GGT7: variants seen among roughly 807,000 people sequenced by gnomAD.
The protein encoded by GGT7 is gamma-glutamyltransferase 7, also known as glutathione hydrolase 7.
GGT7 carries 30 observed loss-of-function variants against 69.2 expected under a neutral mutation model. The ratio of observed to expected loss-of-function variants is 0.43; its 90% confidence interval spans 0.32 to 0.59. GGT7 has a LOEUF of 0.59. Ranked by LOEUF, GGT7 falls within the 20% of genes least tolerant of loss-of-function variation. The pLI is 0.05. For missense variants in GGT7, 733 were observed against 901.1 expected (o/e 0.81, Z 2.39); for synonymous variants, 388 against 391.8 (o/e 0.99, Z 0.12).
Position 34,845,253 on chromosome 20 carries a change from A to G in GGT7, c.*75T>C. The G allele has an allele frequency of 1.4e-6, 2 of 1,443,126 alleles. No individual in the cohort carries two copies. The highest frequency in any genetic ancestry group is 1.9e-6 in the Non-Finnish European group (2 of 1,061,716). 89.4% of individuals were successfully genotyped at this position (1,443,126 alleles called of 1,614,324 possible). On this transcript the variant is annotated 3_prime_UTR_variant, in exon 15 of 15. Coordinates refer to ENST00000336431, the MANE Select transcript of GGT7 (RefSeq NM_178026.3). ...GGGGCATCCCTGGGGTCCCCCTGAGACCAAACCTGGGAGAAGGAGGGACTC... is the reference window on the plus strand; with the variant it reads ...GGGGCATCCCTGGGGTCCCCCTGAGGCCAAACCTGGGAGAAGGAGGGACTC...
Position 34,856,904 on chromosome 20 carries a change from G to A in GGT7, c.1015-11C>T, listed in dbSNP as rs376055361. 7 of 1,549,588 alleles carry A rather than the reference G, an allele frequency of 4.5e-6. No individual in the cohort carries two copies. Among genetic ancestry groups the A allele is most frequent in the Non-Finnish European group, 6.2e-6 (7 of 1,122,032 alleles). On this transcript the variant is annotated splice_polypyrimidine_tract_variant and intron_variant, in intron 7 of 14. Coordinates refer to ENST00000336431, the MANE Select transcript of GGT7 (RefSeq NM_178026.3). ...CCCTGCGTGCTGAGCCTGGAGGGAAGAGAATGAGGGAATGACCTCCCACCA... is the reference window on the plus strand; with the variant it reads ...CCCTGCGTGCTGAGCCTGGAGGGAAAAGAATGAGGGAATGACCTCCCACCA...
chr20:34,864,284 T>G (rs938643541), intron 1 of GGT7, among the ~76,000 whole-genome samples: 3 of 151,772 alleles, frequency 2.0e-5, no homozygotes, highest in Non-Finnish European at 4.4e-5. Context: ...AGAGTATGTG[T>G]GTGGAATGTT....
Position 34,863,837 on chromosome 20 carries a change from A to C in GGT7, c.170-289T>G. On this transcript the variant is annotated intron_variant, in intron 1 of 14. Transcript: ENST00000336431. The surrounding 1 kb of genome is among the most constrained non-coding windows in gnomAD (Gnocchi z 4.4). ...CTGGCACCCAGGGCCCAGGGCTGAG[A>C]ACACTTCCTGGGGGGTGGGGTGGGG... is the stretch of plus-strand genomic sequence containing the variant. The C allele has an allele frequency of 1.6e-6, 1 of 628,466 alleles. No homozygotes were observed. Among genetic ancestry groups the C allele is most frequent in the Non-Finnish European group, 3.0e-6 (1 of 330,962 alleles). 38.9% of individuals were successfully genotyped at this position (628,466 alleles called of 1,614,324 possible).
chr20:34,858,460 G>A (rs946663378), intron 7 of GGT7, among the ~76,000 whole-genome samples: 6 of 152,196 alleles, frequency 3.9e-5, no homozygotes, highest in African/African-American at 1.4e-4. Flanking sequence ...CTCTGTGAAT[G>A]TTGAATGAAT....
chr20:34,859,591 C>T lies in GGT7; in HGVS notation c.866G>A (p.Arg289Gln), dbSNP rs776565273. Residue 289 changes from arginine (R) to glutamine (Q), a missense_variant, in exon 7 of 15, where the codon CGG becomes CAG. Physicochemically the swap from Arg to Gln is conservative, Grantham distance 43. Transcript: ENST00000336431. ...GCGGCCCGATGGCAGGAACGTCTCC[C>T]GGAAGCGCTCGGACATGTTGGGTGG... ...QLPPNMSERFRETFLPSGRPP... is the reference protein window; with the variant it reads ...QLPPNMSERFQETFLPSGRPP... 4 of 1,601,268 alleles carry T rather than the reference C, an allele frequency of 2.5e-6. No homozygotes were observed. Among genetic ancestry groups the T allele is most frequent in the African/African-American group, 1.3e-5 (1 of 74,796 alleles).
In GGT7 at chr20:34,859,530, G is replaced by T. The variant is rs773284344; in HGVS notation, c.927C>A (p.Asp309Glu). 12 of 1,612,450 alleles carry T rather than the reference G, an allele frequency of 7.4e-6. No individual in the cohort carries two copies. Among genetic ancestry groups the T allele is most frequent in the Non-Finnish European group, 9.3e-6 (11 of 1,179,280 alleles). The change falls in exon 7 of 15, where the codon GAC (aspartate) becomes GAA (glutamate). Residue 309 changes from aspartate to glutamate, a missense_variant. Transcript: ENST00000336431. ...CAAGTACATCCAGCACCTCAGCCAGGTCGGGCCGATGCAGCAACGAGCCAG... is the reference window on the plus strand; with the variant it reads ...CAAGTACATCCAGCACCTCAGCCAGTTCGGGCCGATGCAGCAACGAGCCAG... ...PLPGSLLHRP[D>E]LAEVLDVLGT...
chr20:34,853,578 A>T (rs2079437403), intron 10 of GGT7, among the ~76,000 whole-genome samples: 1 of 145,606 alleles, frequency 6.9e-6, no homozygotes, highest in Non-Finnish European at 1.5e-5. Flanking sequence ...AAAAAAAAAA[A>T]ATTCAACTGA....
chr20:34,857,234 G>A (rs1001753308), intron 7 of GGT7, among the ~76,000 whole-genome samples: 1 of 152,184 alleles, frequency 6.6e-6, no homozygotes, highest in Non-Finnish European at 1.5e-5. Context: ...TGCAGCTGCA[G>A]AGTGACCTGC....
In GGT7 at chr20:34,863,045, T is replaced by C; in HGVS notation, c.406-80A>G. 4 of 1,397,590 alleles carry C rather than the reference T, an allele frequency of 2.9e-6. No homozygotes were observed. Among genetic ancestry groups the C allele is most frequent in the Non-Finnish European group, 3.9e-6 (4 of 1,020,172 alleles). 86.6% of individuals were successfully genotyped at this position (1,397,590 alleles called of 1,614,324 possible). A position where few individuals can be genotyped will look rare whatever the true frequency, so the allele number is the denominator to read the frequency against. The stretch of plus-strand genomic sequence containing the variant: ...GGCACCTCCACTAGCCCTAGAACTC[T>C]ACGCGGCATGAAGGTCGAAGCCCTG... On this transcript the variant is annotated intron_variant, in intron 2 of 14. Transcript: ENST00000336431. The surrounding 1 kb of genome is among the most constrained non-coding windows in gnomAD (Gnocchi z 4.4).
At chr20:34,870,059 A>G (rs2079755725) in intron 1 of GGT7, among the ~76,000 whole-genome samples, 1 of 152,170 alleles carries the variant, frequency 6.6e-6, no homozygotes, top group Non-Finnish European at 1.5e-5. Context: ...GGCTAAGAGG[A>G]TGGTGCTGTG....
rs1266293541 is a variant in GGT7 at position 34,861,588 on chromosome 20, GTGA to G, written c.558-29_558-27del. 3.0e-6 allele frequency: 4 copies of G among 1,333,896 alleles called. No homozygotes were observed. In the African/African-American group the frequency reaches 4.4e-5, roughly 15 times the overall value. 82.6% of individuals were successfully genotyped at this position (1,333,896 alleles called of 1,614,324 possible). A position where few individuals can be genotyped will look rare whatever the true frequency, so the allele number is the denominator to read the frequency against. On this transcript the variant is annotated intron_variant, in intron 3 of 14. Transcript: ENST00000336431. ...CTGGGAGAGACACAGAAGGGGAAGT[GTGA>G]TGATAACATGCTACCCCTCTGTACA...
intron 12 of GGT7, among the ~76,000 whole-genome samples, chr20:34,851,697 C>CT (rs2079396720): frequency 6.6e-6 from 1 of 152,176 alleles, no homozygotes; most frequent in African/African-American, 2.4e-5. Context: ...TGTCTTTGCC[C>CT]TGCTGGGGCC....
chr20:34,855,622 A>T (rs1410174093), intron 8 of GGT7, among the ~76,000 whole-genome samples: 1 of 151,958 alleles, frequency 6.6e-6, no homozygotes, highest in East Asian at 1.9e-4. Context: ...ACATCATCTC[A>T]TCAAATCCTT....
In GGT7 at chr20:34,867,702, C is replaced by G. The variant is rs575811399; in HGVS notation, c.170-4154G>C. On this transcript the variant is annotated intron_variant, in intron 1 of 14. Coordinates refer to ENST00000336431, the MANE Select transcript of GGT7 (RefSeq NM_178026.3). ...CCTGGGCGACAGGGTGAAACCCTAT[C>G]TCAAAAAATTTAAAGTAAAATATAA... Among the ~76,000 whole-genome samples, 214 of 152,148 alleles carry G rather than the reference C, an allele frequency of 1.4e-3. 1 individual carries two copies. The highest frequency in any genetic ancestry group is 4.9e-3 in the African/African-American group (205 of 41,494).
Position 34,845,030 on chromosome 20 carries a change from T to C in GGT7, c.*298A>G. 1 of 400,006 alleles carries C rather than the reference T, an allele frequency of 2.5e-6. No homozygotes were observed. Among genetic ancestry groups the C allele is most frequent in the Non-Finnish European group, 4.5e-6 (1 of 220,464 alleles). The allele number at this position is 400,006 out of a possible 1,614,324, so 24.8% of individuals were successfully genotyped here. A position where few individuals can be genotyped will look rare whatever the true frequency, so the allele number is the denominator to read the frequency against. ...TCCCTAAGCTCGGGGCCAGCATGGC[T>C]GAAGGAGGAGAGGTGACACACAGAC... is the stretch of plus-strand genomic sequence containing the variant. On this transcript the variant is annotated 3_prime_UTR_variant, in exon 15 of 15. Coordinates refer to ENST00000336431, the MANE Select transcript of GGT7 (RefSeq NM_178026.3).
chr20:34,847,362 T>C (rs1047858948), intron 14 of GGT7, among the ~76,000 whole-genome samples: 2 of 152,206 alleles, frequency 1.3e-5, no homozygotes, highest in African/African-American at 4.8e-5. Flanking sequence ...AATCAGGTCA[T>C]GTGTCTCCCC....
chr20:34,853,548 C>T (rs912670170), intron 10 of GGT7, among the ~76,000 whole-genome samples: 4 of 135,856 alleles, frequency 2.9e-5, no homozygotes, highest in Non-Finnish European at 3.2e-5. Flanking sequence ...GGCGACAGAG[C>T]GAGACTCCAT....
intron 12 of GGT7, 57 bp downstream of exon 12, chr20:34,852,098 T>C: frequency 9.8e-7 from 1 of 1,015,560 alleles, no homozygotes; most frequent in Non-Finnish European, 1.6e-6. Context: ...GCCATGCCAT[T>C]GCACCTCCTA....
chr20:34,864,288 G>T (rs1325161917), intron 1 of GGT7, among the ~76,000 whole-genome samples: 1 of 152,098 alleles, frequency 6.6e-6, no homozygotes, highest in Non-Finnish European at 1.5e-5. Context: ...TATGTGTGTG[G>T]AATGTTCTGG....
Sources: allele counts gnomAD v4.1 joint callset (sites outside exome capture counted in the v4.1 genomes callset), GRCh38; gene constraint gnomAD v4.1.1; non-coding constraint Gnocchi (gnomAD v3.1); transcripts MANE v1.5; gene names NCBI Gene and HGNC (gene_info 2026-07-23, HGNC 2026-07-21).